TBC1D30: variants seen among roughly 807,000 people sequenced by gnomAD.
TBC1D30 encodes TBC1 domain family member 30, also known as TBC1 domain family, member 30.
TBC1D30 carries 31 observed loss-of-function variants against 63.2 expected under a neutral mutation model. The observed-to-expected ratio is 0.49, with a 90% CI of 0.37 to 0.66. The LOEUF is 0.66. Ranked by LOEUF, TBC1D30 falls within the 30% of genes least tolerant of loss-of-function variation. The probability of loss-of-function intolerance (pLI) is 0.00; values close to 1 mark genes in which losing one functional copy is unlikely to be tolerated. For synonymous variants in TBC1D30, 307 were observed against 361.5 expected (o/e 0.85, Z 1.71); for missense variants, 810 against 953.6 (o/e 0.85, Z 1.98).
chr12:64,803,450 C>A (rs1872696280), intron 2 of TBC1D30, among the ~76,000 whole-genome samples: 1 of 152,148 alleles, frequency 6.6e-6, no homozygotes, highest in Non-Finnish European at 1.5e-5. Context: ...CTGTAGATAG[C>A]CTGTTCACTC....
At chr12:64,795,699 C>T (rs903179) in intron 2 of TBC1D30, among the ~76,000 whole-genome samples, 90,317 of 147,604 alleles carry the variant, frequency 0.61, 27,896 homozygotes, top group East Asian at 0.9. Context: ...CTGTTCTCCA[C>T]GCTCCTTTTT....
At position 64,838,891 on chromosome 12, in the gene TBC1D30, A is replaced by G. The variant is rs760170110; in HGVS notation, c.932+40A>G. On this transcript the variant is annotated intron_variant, in intron 7 of 11. Coordinates refer to ENST00000539867, the MANE Select transcript of TBC1D30 (RefSeq NM_015279.2). ...CCTTCTGCTCTGTTCTGTGATGTTGAGGGCCTTAAGCAGTTTTTGTGCTCT... is the reference window on the plus strand; with the variant it reads ...CCTTCTGCTCTGTTCTGTGATGTTGGGGGCCTTAAGCAGTTTTTGTGCTCT... 3.6e-5 allele frequency: 55 copies of G among 1,520,124 alleles called. No homozygotes were observed. The South Asian group carries it at 6.6e-4, about 18-fold the overall frequency. 94.2% of individuals were successfully genotyped at this position (1,520,124 alleles called of 1,614,324 possible). A position where few individuals can be genotyped will look rare whatever the true frequency, so the allele number is the denominator to read the frequency against.
chr12:64,855,907 A>G (rs963060052), intron 8 of TBC1D30, among the ~76,000 whole-genome samples: 1 of 152,188 alleles, frequency 6.6e-6, no homozygotes, highest in Admixed American at 6.5e-5. Flanking sequence ...AGTCTTCACA[A>G]TCTGAGCTTG....
In TBC1D30 at chr12:64,793,487, TACAA is replaced by T. The variant is rs1872059215; in HGVS notation, c.643+7444_643+7447del. ...GGTGAAACCCCGTCTCTACCAAAAA[TACAA>T]AAAAAAAAAAAAAAAAGAATTAGCT... On this transcript the variant is annotated intron_variant, in intron 2 of 12. Coordinates refer to the TBC1D30 transcript ENST00000542120. Among the ~76,000 whole-genome samples the T allele has an allele frequency of 8.6e-5, 4 of 46,340 alleles. No homozygotes were observed. The East Asian group carries it at 3.2e-3, about 37-fold the overall frequency. The allele number at this position is 46,340 out of a possible 152,430, so 30.4% of individuals were successfully genotyped here.
intron 2 of TBC1D30, chr12:64,818,352 A>G: frequency 1.1e-6 from 1 of 945,780 alleles, no homozygotes; most frequent in Non-Finnish European, 1.3e-6. Flanking sequence ...CAAGAATGGT[A>G]TCTCTCCAAT....
At chr12:64,833,882 T>A (rs1875094594) in intron 5 of TBC1D30, among the ~76,000 whole-genome samples, 1 of 151,302 alleles carries the variant, frequency 6.6e-6, no homozygotes, top group Admixed American at 6.6e-5. Flanking sequence ...TTTTTTCAGA[T>A]GGAATTGGTA....
chr12:64,868,049 T>A, intron 10 of TBC1D30: 1 of 156,772 alleles, frequency 6.4e-6, no homozygotes, highest in Non-Finnish European at 1.4e-5. Context: ...TCATTCCACC[T>A]TGTGGAGAGG....
chr12:64,766,145 C>T (rs1870705897), intron 1 of TBC1D30, among the ~76,000 whole-genome samples: 1 of 151,854 alleles, frequency 6.6e-6, no homozygotes, highest in African/African-American at 2.4e-5. Context: ...GAGAAAAATA[C>T]CCAAAATAAA....
chr12:64,766,934 C>G (rs1453676281), intron 1 of TBC1D30, among the ~76,000 whole-genome samples: 4 of 152,082 alleles, frequency 2.6e-5, no homozygotes, highest in Non-Finnish European at 5.9e-5. Context: ...AAACAACATA[C>G]TCCTAAATAA....
intron 3 of TBC1D30, among the ~76,000 whole-genome samples, chr12:64,828,864 A>T (rs1010809959): frequency 6.6e-6 from 1 of 152,198 alleles, no homozygotes; most frequent in Admixed American, 6.5e-5. Flanking sequence ...TTAAATAGCA[A>T]GGTGACATTC....
At chr12:64,831,380 T>TATGC (rs1565663998) in intron 4 of TBC1D30, among the ~76,000 whole-genome samples, 1 of 152,272 alleles carries the variant, frequency 6.6e-6, no homozygotes, top group Non-Finnish European at 1.5e-5. Flanking sequence ...TTCGCAGAGA[T>TATGC]GAAGTATCTC....
At chr12:64,838,536 A>C (rs1360089856) in intron 6 of TBC1D30, 147 bp from the exon 7 acceptor site, 1 of 819,164 alleles carries the variant, frequency 1.2e-6, no homozygotes, top group East Asian at 2.7e-5. Context: ...CATGGCAGAA[A>C]AAAGAAAGAA....
rs1349272080 is a variant in TBC1D30, at chr12:64,824,787, A to T, written c.-93A>T. ...TCCCACGGGCCGGTCAGCCGCAGAC[A>T]CTCACCCAGCTCCGCGAGCTCAGCC... On this transcript the variant is annotated 5_prime_UTR_variant, in exon 1 of 12. Coordinates refer to ENST00000539867, the MANE Select transcript of TBC1D30 (RefSeq NM_015279.2). The T allele has an allele frequency of 2.7e-6, 4 of 1,455,994 alleles. No individual in the cohort carries two copies. In the African/African-American group the frequency reaches 4.2e-5, roughly 15 times the overall value. The allele number at this position is 1,455,994 out of a possible 1,614,324, so 90.2% of individuals were successfully genotyped here. A position where few individuals can be genotyped will look rare whatever the true frequency, so the allele number is the denominator to read the frequency against.
rs1011653776 is a variant in TBC1D30, at chr12:64,879,620, T to C, written c.*3832T>C. On this transcript the variant is annotated 3_prime_UTR_variant, in exon 12 of 12. Coordinates refer to ENST00000539867, the MANE Select transcript of TBC1D30 (RefSeq NM_015279.2). ...TGTGGAAGTGCCAACAGAAGTGTTT[T>C]AGAAGCAGTGATAATGAACACTCAT... 7 of 152,208 alleles carry C rather than the reference T, an allele frequency of 4.6e-5. No individual in the cohort carries two copies. The highest frequency in any genetic ancestry group is 1.4e-4 in the African/African-American group (6 of 41,450). 9.4% of individuals were successfully genotyped at this position (152,208 alleles called of 1,614,324 possible). A position where few individuals can be genotyped will look rare whatever the true frequency, so the allele number is the denominator to read the frequency against.
chr12:64,864,842 T>A, intron 9 of TBC1D30, 62 bp downstream of exon 9: 1 of 1,146,162 alleles, frequency 8.7e-7, no homozygotes, highest in Non-Finnish European at 1.2e-6. Flanking sequence ...AATTTGTTAT[T>A]GTAAATTAAT....
chr12:64,880,019 T>C lies in TBC1D30; in HGVS notation c.*4231T>C, dbSNP rs1003063399. The C allele has an allele frequency of 1.3e-5, 2 of 152,228 alleles. No individual in the cohort carries two copies. Among genetic ancestry groups the C allele is most frequent in the Non-Finnish European group, 2.9e-5 (2 of 68,034 alleles). 9.4% of individuals were successfully genotyped at this position (152,228 alleles called of 1,614,324 possible). A position where few individuals can be genotyped will look rare whatever the true frequency, so the allele number is the denominator to read the frequency against. On this transcript the variant is annotated 3_prime_UTR_variant, in exon 12 of 12. Transcript: ENST00000539867. Reference sequence around the variant, plus strand: ...TCTGGGAATAGGGGAGATGTTTGGATGAATTATGATTCATCCCCAGGATGG... The same window carrying C: ...TCTGGGAATAGGGGAGATGTTTGGACGAATTATGATTCATCCCCAGGATGG...
chr12:64,791,125 C>T (rs1871894304), intron 2 of TBC1D30, among the ~76,000 whole-genome samples: 1 of 152,176 alleles, frequency 6.6e-6, no homozygotes, highest in Admixed American at 6.5e-5. Flanking sequence ...GAAGTATTGA[C>T]TCATGTTACA....
chr12:64,825,208 G>A (rs1303977073), intron 1 of TBC1D30, among the ~76,000 whole-genome samples, 175 bp downstream of exon 1: 4 of 152,250 alleles, frequency 2.6e-5, no homozygotes, highest in Admixed American at 2.6e-4. Context: ...AAGGGTAGAG[G>A]GCAGACGGGG....
chr12:64,866,950 CTACAATAA>C (rs1437514169), intron 10 of TBC1D30, 47 bp downstream of exon 10: 1 of 1,528,406 alleles, frequency 6.5e-7, no homozygotes, highest in East Asian at 2.4e-5. Context: ...TATTGGTTTA[CTACAATAA>C]GAGTGATATT....
Sources: allele counts gnomAD v4.1 joint callset (sites outside exome capture counted in the v4.1 genomes callset), GRCh38; gene constraint gnomAD v4.1.1; transcripts MANE v1.5; gene names NCBI Gene and HGNC (gene_info 2026-07-23, HGNC 2026-07-21).